Variants in PDGFC observed in about 807,000 individuals in gnomAD.
The protein encoded by PDGFC is platelet-derived growth factor C.
Under a neutral mutation model 35.5 loss-of-function variants are expected in PDGFC, and 12 were observed. That is an observed-to-expected ratio of 0.34 (90% CI 0.22 to 0.55). The LOEUF is 0.55. Ranked by LOEUF, PDGFC falls within the 20% of genes least tolerant of loss-of-function variation. The probability of loss-of-function intolerance (pLI) is 0.91; values close to 1 mark genes in which losing one functional copy is unlikely to be tolerated. For synonymous variants in PDGFC, 159 were observed against 148.8 expected, an observed-to-expected ratio of 1.07 and a Z score of -0.50; for missense variants, 322 against 412.4, an observed-to-expected ratio of 0.78 and a Z score of 1.90.
At chr4:156,878,448 CA>C (rs1730166376) in intron 1 of PDGFC, among the ~76,000 whole-genome samples, 1 of 152,116 alleles carries the variant, frequency 6.6e-6, no homozygotes, top group South Asian at 2.1e-4. Flanking sequence ...TTAACAAAGT[CA>C]ATCTAAATAA....
At chr4:156,793,297 T>C (rs1731345104) in intron 3 of PDGFC, among the ~76,000 whole-genome samples, 1 of 151,784 alleles carries the variant, frequency 6.6e-6, no homozygotes, top group African/African-American at 2.4e-5. Context: ...TCTTTACATA[T>C]TTTAGTGTTA....
intron 2 of PDGFC, among the ~76,000 whole-genome samples, chr4:156,831,501 T>C (rs1728932763): frequency 7.0e-6 from 1 of 142,016 alleles, no homozygotes; most frequent in African/African-American, 2.7e-5. Context: ...TGGAGTGCAG[T>C]GCCATGATCT....
chr4:156,853,122 C>G (rs1413872197), intron 1 of PDGFC, among the ~76,000 whole-genome samples: 3 of 152,202 alleles, frequency 2.0e-5, no homozygotes, highest in Non-Finnish European at 4.4e-5. Context: ...TATTAGAAAA[C>G]TAATACACCT....
chr4:156,946,157 GTTGTTAGTAT>G (rs1262963491), intron 1 of PDGFC, among the ~76,000 whole-genome samples: 1 of 151,878 alleles, frequency 6.6e-6, no homozygotes, highest in Non-Finnish European at 1.5e-5. Context: ...GAAAGTACTA[GTTGTTAGTAT>G]TACTCACATC....
At chr4:156,925,538 C>T (rs1204474064) in intron 1 of PDGFC, among the ~76,000 whole-genome samples, 2 of 151,766 alleles carry the variant, frequency 1.3e-5, no homozygotes, top group Non-Finnish European at 2.9e-5. Flanking sequence ...GGGAAAAGCA[C>T]ATTTGAGGAA....
chr4:156,768,828 T>G (rs1490755479), intron 4 of PDGFC, among the ~76,000 whole-genome samples: 1 of 152,084 alleles, frequency 6.6e-6, no homozygotes, highest in Non-Finnish European at 1.5e-5. Context: ...AAATATTCTT[T>G]ATTGCAGTAA....
intron 1 of PDGFC, chr4:156,874,098 T>C (rs1478678429): frequency 6.6e-6 from 1 of 152,180 alleles, no homozygotes; most frequent in Non-Finnish European, 1.5e-5. Flanking sequence ...GATGGCAGTG[T>C]GGCATGGTCA....
intron 1 of PDGFC, among the ~76,000 whole-genome samples, chr4:156,880,185 T>G (rs1292088404): frequency 6.6e-6 from 1 of 152,124 alleles, no homozygotes; most frequent in African/African-American, 2.4e-5. Context: ...ATCTAGAACT[T>G]TCATAGCTAG....
At chr4:156,823,703 A>G (rs761649174) in intron 2 of PDGFC, among the ~76,000 whole-genome samples, 1 of 152,164 alleles carries the variant, frequency 6.6e-6, no homozygotes, top group Non-Finnish European at 1.5e-5. Flanking sequence ...AGAAAAATAG[A>G]AATACCATAT....
Position 156,950,722 on chromosome 4 carries a change from G to A in PDGFC, c.118+20064C>T, listed in dbSNP as rs1560887723. On this transcript the variant is annotated intron_variant, in intron 1 of 5. Coordinates refer to ENST00000502773, the MANE Select transcript of PDGFC (RefSeq NM_016205.3). ...GCAATTTGAAAGCAGTGTTAAATCA[G>A]AAAAAAAATCTATTTATACCCACAA... Among the ~76,000 whole-genome samples the A allele has an allele frequency of 2.0e-5, 3 of 150,372 alleles. No individual in the cohort carries two copies. The East Asian group carries it at 5.9e-4, about 29-fold the overall frequency.
intron 3 of PDGFC, among the ~76,000 whole-genome samples, chr4:156,794,971 C>A (rs760122591): frequency 1.9e-4 from 29 of 152,110 alleles, no homozygotes; most frequent in Non-Finnish European, 3.8e-4. Context: ...CTATTGCCAT[C>A]GCTGACCTGG....
intron 2 of PDGFC, among the ~76,000 whole-genome samples, chr4:156,814,128 A>T (rs201597353): frequency 4.0e-5 from 2 of 49,810 alleles, no homozygotes; most frequent in East Asian, 4.2e-4. Context: ...TCTATGATTT[A>T]AAAAAAAAAT....
At chr4:156,831,694 G>A (rs1002637404) in intron 2 of PDGFC, among the ~76,000 whole-genome samples, 1 of 151,456 alleles carries the variant, frequency 6.6e-6, no homozygotes, top group South Asian at 2.1e-4. Context: ...CATCCACCTC[G>A]GCCTCCCAAA....
intron 1 of PDGFC, among the ~76,000 whole-genome samples, chr4:156,906,961 TGCA>T (rs1730929327): frequency 6.6e-6 from 1 of 152,204 alleles, no homozygotes; most frequent in African/African-American, 2.4e-5. Flanking sequence ...CTAACATGGA[TGCA>T]GCCAAAACAT....
At chr4:156,887,084 G>A (rs537438272) in intron 1 of PDGFC, among the ~76,000 whole-genome samples, 39 of 152,006 alleles carry the variant, frequency 2.6e-4, no homozygotes, top group African/African-American at 8.2e-4. Flanking sequence ...TATTAACAAA[G>A]TTATTTCTAA....
chr4:156,793,522 A>G (rs969865573), intron 3 of PDGFC, among the ~76,000 whole-genome samples: 19 of 133,634 alleles, frequency 1.4e-4, no homozygotes, highest in African/African-American at 5.5e-4. Flanking sequence ...TATAATACAT[A>G]TGAATTATGT....
chr4:156,780,019 G>A (rs932650307), intron 3 of PDGFC, among the ~76,000 whole-genome samples: 1 of 151,576 alleles, frequency 6.6e-6, no homozygotes, highest in Non-Finnish European at 1.5e-5. Flanking sequence ...AATAATCAAT[G>A]TGGAAAACTA....
chr4:156,795,785 T>C (rs79915479), intron 3 of PDGFC, among the ~76,000 whole-genome samples: 1,711 of 152,274 alleles, frequency 0.011, 33 homozygotes, highest in African/African-American at 0.038. Context: ...ATTACATAAA[T>C]TTTGCATGGG....
chr4:156,931,202 T>G (rs1221572683), intron 1 of PDGFC, among the ~76,000 whole-genome samples: 2 of 152,198 alleles, frequency 1.3e-5, no homozygotes, highest in Non-Finnish European at 2.9e-5. Context: ...TGAATTCTTT[T>G]GTATTAGGGG....
Sources: gnomAD v4.1 joint callset for allele counts (sites outside exome capture counted in the v4.1 genomes callset) on GRCh38, gnomAD v4.1.1 for gene constraint, MANE v1.5 for transcripts, NCBI Gene and HGNC (gene_info 2026-07-23, HGNC 2026-07-21) for gene names.